The following HTT variants were observed in gnomAD, a reference collection of about 807,000 sequenced individuals.
HTT encodes the protein huntingtin.
HTT carries 104 observed loss-of-function variants against 362.3 expected under a neutral mutation model. The observed-to-expected ratio is 0.29, with a 90% confidence interval of 0.24 to 0.34. The LOEUF is 0.34. HTT is among the 10% of genes least tolerant of loss of function. The pLI, the probability that HTT is intolerant of heterozygous loss-of-function variation, is 1.00. For missense variants in HTT, 3,301 were observed against 3,928.6 expected, an observed-to-expected ratio of 0.84 and a Z score of 4.27; for synonymous variants, 1,577 against 1,548.7, an observed-to-expected ratio of 1.02 and a Z score of -0.43.
Position 3,235,571 on chromosome 4 carries a change from G to T in HTT, c.8578G>T (p.Gly2860Trp). The change falls in exon 63 of 67, where the codon GGG (glycine) becomes TGG (tryptophan). Residue 2860 changes from glycine (G) to tryptophan (W), a missense_variant. Gly to Trp is a radical substitution (Grantham distance 184). Around this residue, in one of 4 missense-constraint regions of HTT, gnomAD observed 753 missense variants for 1,021.3 expected, o/e 0.74. Transcript: ENST00000355072. ...EFSASIIQMC[G>W]VMLSGSEEST... ...GGCCTTTCTCCCTGTGCAGATGTGT[G>T]GGGTGATGCTGTCTGGAAGTGAGGA... 6.2e-7 allele frequency: 1 copy of T among 1,613,812 alleles called. No individual in the cohort carries two copies. The highest frequency in any genetic ancestry group is 8.5e-7 in the Non-Finnish European group (1 of 1,179,892).
rs942412689 is a variant in HTT, at chr4:3,231,571, C to T, written c.8265+1529C>T. On this transcript the variant is annotated intron_variant, in intron 60 of 66. Transcript: ENST00000355072. ...TGACTGCTCTTGCCTAGACTCTGTCCTCCCCGAGCCCAAACGCCAGTCATC... is the reference window on the plus strand; with the variant it reads ...TGACTGCTCTTGCCTAGACTCTGTCTTCCCCGAGCCCAAACGCCAGTCATC... Among the ~76,000 whole-genome samples the T allele has an allele frequency of 3.5e-4, 53 of 152,170 alleles. 2 individuals are homozygous for T. Among genetic ancestry groups the T allele is most frequent in the Non-Finnish European group, 1.5e-5 (1 of 68,026 alleles).
At chr4:3,145,110 T>C in intron 23 of HTT, 42 bp from the exon 24 acceptor site, 1 of 1,368,964 alleles carries the variant, frequency 7.3e-7, no homozygotes, top group Non-Finnish European at 1.0e-6. Flanking sequence ...CAATAAACCT[T>C]TGTGGTGTTT....
At chr4:3,096,908 T>C (rs776930573) in intron 2 of HTT, among the ~76,000 whole-genome samples, 4 of 152,066 alleles carry the variant, frequency 2.6e-5, no homozygotes, top group African/African-American at 4.8e-5. Context: ...TGTTTGAGAC[T>C]GGCAGTTGAA....
intron 26 of HTT, 84 bp from the exon 27 acceptor site, chr4:3,154,209 C>T (rs1717033873): frequency 1.7e-6 from 2 of 1,178,216 alleles, no homozygotes. Flanking sequence ...AATGGTAAAA[C>T]CAAATATTCT....
intron 12 of HTT, chr4:3,128,757 A>G (rs1038637972): frequency 1.3e-5 from 2 of 152,190 alleles, no homozygotes; most frequent in South Asian, 4.1e-4. Flanking sequence ...TTCAGTTTTA[A>G]AAACTGTGGT....
In HTT at chr4:3,182,416, G is replaced by A. The variant is rs779787029; in HGVS notation, c.4812G>A (p.Lys1604=). The change falls in exon 37 of 67, where the codon AAG becomes AAA. Residue 1604 remains lysine (K), a synonymous_variant. Transcript: ENST00000355072. Reference sequence around the variant, plus strand: ...ACAAGGAGAATGAAGACAAGTGGAAGCGACTGTCTCGACAGATAGCTGACA... The same window carrying A: ...ACAAGGAGAATGAAGACAAGTGGAAACGACTGTCTCGACAGATAGCTGACA... ...QCHKENEDKW[K]RLSRQIADII... The A allele has an allele frequency of 6.2e-7, 1 of 1,614,146 alleles. No homozygotes were observed. The highest frequency in any genetic ancestry group is 1.1e-5 in the South Asian group (1 of 91,078).
rs1718285604 is a variant in HTT at position 3,177,326 on chromosome 4, C to T, written c.4408-6C>T. Reference sequence around the variant, plus strand: ...TTGATGTGAAATTTTATTTTCCTTCCTGTAGGTGTTTATTGGCTTTGTATT... The same window carrying T: ...TTGATGTGAAATTTTATTTTCCTTCTTGTAGGTGTTTATTGGCTTTGTATT... On this transcript the variant is annotated splice_region_variant and splice_polypyrimidine_tract_variant and intron_variant, in intron 33 of 66. Coordinates refer to ENST00000355072, the MANE Select transcript of HTT (RefSeq NM_001388492.1). 1.3e-6 allele frequency: 2 copies of T among 1,591,406 alleles called. No individual in the cohort carries two copies. The highest frequency in any genetic ancestry group is 1.7e-6 in the Non-Finnish European group (2 of 1,165,300).
At chr4:3,083,338 C>T (rs148699320) in intron 1 of HTT, among the ~76,000 whole-genome samples, 1 of 152,122 alleles carries the variant, frequency 6.6e-6, no homozygotes, top group African/African-American at 2.4e-5. Context: ...AACATAGCAG[C>T]ACCTATAAGG....
chr4:3,164,492 T>C (rs1201554507), intron 29 of HTT, among the ~76,000 whole-genome samples: 1 of 152,206 alleles, frequency 6.6e-6, no homozygotes, highest in Admixed American at 6.5e-5. Flanking sequence ...GTTAATTTTC[T>C]GGCTCATTGA....
intron 33 of HTT, among the ~76,000 whole-genome samples, chr4:3,175,395 G>A (rs1051198767): frequency 7.9e-5 from 12 of 152,162 alleles, no homozygotes; most frequent in Non-Finnish European, 2.9e-5. Context: ...TCCAAAATAA[G>A]TTTGAATTTA....
chr4:3,172,747 A>G (rs1718051871), intron 30 of HTT, among the ~76,000 whole-genome samples, 161 bp from the exon 31 acceptor site: 2 of 149,602 alleles, frequency 1.3e-5, no homozygotes, highest in African/African-American at 2.4e-5. Context: ...ACTTCATACA[A>G]TATCTCATGA....
At chr4:3,119,736 C>A (rs2110176037) in intron 8 of HTT, among the ~76,000 whole-genome samples, 1 of 152,222 alleles carries the variant, frequency 6.6e-6, no homozygotes, top group South Asian at 2.1e-4. Context: ...TAGGAGGGGG[C>A]AGATGAGGTG....
At chr4:3,221,440 CTG>C (rs1199118994) in intron 53 of HTT, among the ~76,000 whole-genome samples, 1 of 152,238 alleles carries the variant, frequency 6.6e-6, no homozygotes, top group African/African-American at 2.4e-5. Flanking sequence ...TGACCCAAGA[CTG>C]TGCCGCAGTC....
At chr4:3,087,297 A>T (rs143619254) in intron 2 of HTT, among the ~76,000 whole-genome samples, 2 of 152,230 alleles carry the variant, frequency 1.3e-5, no homozygotes, top group Non-Finnish European at 2.9e-5. Context: ...CTTAGCAACT[A>T]TAGTTATTTT....
chr4:3,131,477 G>C lies in HTT; in HGVS notation c.2098+80G>C, dbSNP rs150323557. 72 of 1,459,450 alleles carry C rather than the reference G, an allele frequency of 4.9e-5. 1 individual carries two copies. In the Middle Eastern group the frequency reaches 1.0e-3, roughly 21 times the overall value. The allele number at this position is 1,459,450 out of a possible 1,614,324, so 90.4% of individuals were successfully genotyped here. On this transcript the variant is annotated intron_variant, in intron 15 of 66. Coordinates refer to ENST00000355072, the MANE Select transcript of HTT (RefSeq NM_001388492.1). The stretch of plus-strand genomic sequence containing the variant: ...CAGCTTGGTGGCCTGTTTTTGCCTT[G>C]CGTGCAGCAGAGGAAGTAGAATCTG...
At chr4:3,125,428 T>A (rs1233686125) in intron 10 of HTT, 121 bp from the exon 11 acceptor site, 1 of 610,948 alleles carries the variant, frequency 1.6e-6, no homozygotes, top group Non-Finnish European at 2.9e-6. Flanking sequence ...TTATATATGA[T>A]GATAAACTAT....
At chr4:3,123,176 G>A (rs1257857576) in intron 10 of HTT, 25 of 379,812 alleles carry the variant, frequency 6.6e-5, no homozygotes, top group Non-Finnish European at 1.1e-4. Flanking sequence ...AATTTTGAAC[G>A]CATCATAAAT....
Position 3,238,973 on chromosome 4 carries a change from G to A in HTT, c.9210G>A (p.Ala3070=), listed in dbSNP as rs532740914. Residue 3070 remains alanine (A), a synonymous_variant, in exon 66 of 67, where the codon GCG becomes GCA. Transcript: ENST00000355072. The stretch of plus-strand genomic sequence containing the variant: ...GCGCGTCCACCAGCCCGTGGGTCGC[G>A]GCGATGTATCCTCTCTGGGTCCCTG... The part of the protein sequence containing the change: ...FVSASTSPWV[A]AILPHVISRM... The A allele has an allele frequency of 3.4e-5, 54 of 1,604,470 alleles. No individual in the cohort carries two copies. Among genetic ancestry groups the A allele is most frequent in the African/African-American group, 2.4e-4 (18 of 75,016 alleles).
chr4:3,074,945 A>ACCGCCG lies in HTT; in HGVS notation c.138_143dup (p.Pro48_Pro49dup), dbSNP rs772429544. ...AGCAGCAGCAGCAGCAACAGCCGCC[A>ACCGCCG]CCGCCGCCGCCGCCGCCGCCGCCTC... On this transcript the variant is annotated inframe_insertion, in exon 1 of 67. Coordinates refer to ENST00000355072, the MANE Select transcript of HTT (RefSeq NM_001388492.1). 0.025 allele frequency: 30,654 copies of ACCGCCG among 1,207,508 alleles called. 2,444 individuals carry two copies. Among genetic ancestry groups the ACCGCCG allele is most frequent in the South Asian group, 0.038 (2,743 of 72,662 alleles). 74.8% of individuals were successfully genotyped at this position (1,207,508 alleles called of 1,614,324 possible). A position where few individuals can be genotyped will look rare whatever the true frequency, so the allele number is the denominator to read the frequency against.
Sources: gnomAD v4.1 joint callset for allele counts (sites outside exome capture counted in the v4.1 genomes callset) on GRCh38, gnomAD v4.1.1 for gene constraint, gnomAD v4.1.1 regional missense constraint, MANE v1.5 for transcripts, NCBI Gene and HGNC (gene_info 2026-07-23, HGNC 2026-07-21) for gene names.